Variants in TMPRSS3 observed in about 807,000 individuals in gnomAD.
The protein encoded by TMPRSS3 is transmembrane serine protease 3.
A neutral mutation model predicts 59.6 loss-of-function variants in TMPRSS3; 55 were observed. That is an observed-to-expected ratio of 0.92 (90% CI 0.74 to 1.16). TMPRSS3 has a LOEUF of 1.16. Among genes scored for constraint, TMPRSS3 ranks in the 50% most tolerant of loss-of-function variants. The pLI, the probability that TMPRSS3 is intolerant of heterozygous loss-of-function variation, is 0.00. For missense variants in TMPRSS3, 596 were observed against 579.4 expected (o/e 1.03, Z -0.29); for synonymous variants, 257 against 237.7 (o/e 1.08, Z -0.75).
intron 2 of TMPRSS3, among the ~76,000 whole-genome samples, chr21:42,393,175 T>G (rs763603692): frequency 5.3e-5 from 8 of 151,648 alleles, no homozygotes; most frequent in Non-Finnish European, 1.0e-4. Flanking sequence ...ACCCGGGCGG[T>G]TGGAGGTTGC....
chr21:42,376,225 C>T, intron 11 of TMPRSS3, among the ~76,000 whole-genome samples: 1 of 152,164 alleles, frequency 6.6e-6, no homozygotes, highest in East Asian at 1.9e-4. Context: ...CCAGCCACTG[C>T]AGCTTTCGGA....
At chr21:42,373,355 A>G (rs760822654) in intron 12 of TMPRSS3, among the ~76,000 whole-genome samples, 8 of 152,206 alleles carry the variant, frequency 5.3e-5, no homozygotes, top group Non-Finnish European at 8.8e-5. Context: ...CATCTCTCGC[A>G]TGCACTGGTG....
At chr21:42,376,457 C>G (rs528277048) in intron 11 of TMPRSS3, 84 bp downstream of exon 11, 5 of 1,583,954 alleles carry the variant, frequency 3.2e-6, no homozygotes, top group Non-Finnish European at 4.3e-6. Context: ...ACTTTTTGTC[C>G]TGTCACAGGG....
chr21:42,395,918 A>G (rs963687480), intron 1 of TMPRSS3, 24 bp downstream of exon 1: 1 of 518,462 alleles, frequency 1.9e-6, no homozygotes, highest in Non-Finnish European at 3.9e-6. Flanking sequence ...ACCTACCATA[A>G]GCATAAGTAG....
chr21:42,384,762 A>T (rs1293151801), intron 6 of TMPRSS3, among the ~76,000 whole-genome samples: 1 of 152,112 alleles, frequency 6.6e-6, no homozygotes, highest in Non-Finnish European at 1.5e-5. Context: ...TGCACATCTT[A>T]GGGTTTGGGC....
intron 6 of TMPRSS3, among the ~76,000 whole-genome samples, chr21:42,384,660 T>C (rs923420592): frequency 6.6e-6 from 1 of 152,214 alleles, no homozygotes; most frequent in Non-Finnish European, 1.5e-5. Flanking sequence ...ACCCAACACA[T>C]GAGCTGTCCC....
Position 42,395,978 on chromosome 21 carries a change from G to A in TMPRSS3, c.-88C>T, listed in dbSNP as rs766631539. The A allele has an allele frequency of 1.9e-6, 1 of 518,854 alleles. No individual in the cohort carries two copies. Among genetic ancestry groups the A allele is most frequent in the African/African-American group, 1.9e-5 (1 of 51,934 alleles). The allele number at this position is 518,854 out of a possible 1,614,324, so 32.1% of individuals were successfully genotyped here. A position where few individuals can be genotyped will look rare whatever the true frequency, so the allele number is the denominator to read the frequency against. On this transcript the variant is annotated 5_prime_UTR_variant, in exon 1 of 13. Coordinates refer to ENST00000644384, the MANE Select transcript of TMPRSS3 (RefSeq NM_001256317.3). ...GTCCCAAAAATGTAGATGGCACCAC[G>A]GAAGAGATAGTAGGCCACAGTGTTA...
rs983176075 is a variant in TMPRSS3 at position 42,388,312 on chromosome 21, C to T, written c.446+91G>A. 3.9e-5 allele frequency: 61 copies of T among 1,570,844 alleles called. No homozygotes were observed. The highest frequency in any genetic ancestry group is 4.9e-5 in the Non-Finnish European group (56 of 1,141,708). ...GATGTAATCTGAGAGCGTTAAAGCA[C>T]CCAATAGTGCCCAACTAAATGGTAG... On this transcript the variant is annotated intron_variant, in intron 5 of 12. Transcript: ENST00000644384. The surrounding 1 kb of genome is among the most constrained non-coding windows in gnomAD (Gnocchi z 5.1).
intron 5 of TMPRSS3, among the ~76,000 whole-genome samples, chr21:42,386,339 T>A (rs2052632823): frequency 1.3e-5 from 2 of 152,352 alleles, no homozygotes; most frequent in African/African-American, 4.8e-5. Context: ...CAAAGTTCAG[T>A]CAACTTTGAG....
intron 2 of TMPRSS3, among the ~76,000 whole-genome samples, chr21:42,391,927 G>A (rs1024985417): frequency 6.6e-6 from 1 of 152,196 alleles, no homozygotes; most frequent in African/African-American, 2.4e-5. Flanking sequence ...AGCCTCTCTG[G>A]GCAGCAGGAG....
intron 10 of TMPRSS3, among the ~76,000 whole-genome samples, chr21:42,378,238 G>T (rs1391193290): frequency 6.6e-6 from 1 of 152,250 alleles, no homozygotes; most frequent in Non-Finnish European, 1.5e-5. Flanking sequence ...GGGGTAAGTA[G>T]GCCCACAGAC....
At chr21:42,378,540 G>A (rs2052467742) in intron 10 of TMPRSS3, among the ~76,000 whole-genome samples, 1 of 152,100 alleles carries the variant, frequency 6.6e-6, no homozygotes, top group Non-Finnish European at 1.5e-5. Flanking sequence ...AGAGACACAG[G>A]GGGCAAAGCC....
intron 12 of TMPRSS3, among the ~76,000 whole-genome samples, chr21:42,373,676 T>C (rs949016273): frequency 2.0e-5 from 3 of 152,220 alleles, no homozygotes; most frequent in Admixed American, 6.5e-5. Flanking sequence ...GCAGTCACAC[T>C]GGGGCCACGT....
Position 42,390,113 on chromosome 21 carries a change from A to C in TMPRSS3, c.95-76T>G, listed in dbSNP as rs577066626. The C allele has an allele frequency of 3.6e-6, 4 of 1,108,938 alleles. No homozygotes were observed. In the South Asian group the frequency reaches 5.1e-5, roughly 14 times the overall value. The allele number at this position is 1,108,938 out of a possible 1,614,324, so 68.7% of individuals were successfully genotyped here. A position where few individuals can be genotyped will look rare whatever the true frequency, so the allele number is the denominator to read the frequency against. ...TGCCATGAAACTTACAAATTTAACT[A>C]TCCTTTCCCCCTCCCCTCTTTGCAG... On this transcript the variant is annotated intron_variant, in intron 2 of 12. Coordinates refer to ENST00000644384, the MANE Select transcript of TMPRSS3 (RefSeq NM_001256317.3).
chr21:42,395,485 C>T lies in TMPRSS3; in HGVS notation c.-51-17G>A. On this transcript the variant is annotated splice_polypyrimidine_tract_variant and intron_variant, in intron 1 of 12. Transcript: ENST00000644384. ...CTCTACCTCCTTAGCCGAGGAAGAA[C>T]AGAAAGCATTTGTTCCCCTATTTAT... 2 of 1,352,264 alleles carry T rather than the reference C, an allele frequency of 1.5e-6. No individual in the cohort carries two copies. The highest frequency in any genetic ancestry group is 1.2e-5 in the South Asian group (1 of 84,584). The allele number at this position is 1,352,264 out of a possible 1,614,324, so 83.8% of individuals were successfully genotyped here.
At chr21:42,379,811 C>G (rs2052491798) in intron 10 of TMPRSS3, among the ~76,000 whole-genome samples, 1 of 152,100 alleles carries the variant, frequency 6.6e-6, no homozygotes, top group South Asian at 2.1e-4. Flanking sequence ...TAGGTGGGCT[C>G]TGTATGTCCT....
chr21:42,377,251 G>A (rs1339321262), intron 10 of TMPRSS3, among the ~76,000 whole-genome samples: 7 of 152,216 alleles, frequency 4.6e-5, no homozygotes, highest in East Asian at 1.9e-4. Flanking sequence ...TGGACCTGAC[G>A]AAGTCACAGG....
chr21:42,379,816 T>C (rs764693157), intron 10 of TMPRSS3, among the ~76,000 whole-genome samples: 1 of 152,198 alleles, frequency 6.6e-6, no homozygotes, highest in Non-Finnish European at 1.5e-5. Context: ...GGGCTCTGTA[T>C]GTCCTCAGTT....
chr21:42,378,688 G>A lies in TMPRSS3; in HGVS notation c.1048+1429C>T, dbSNP rs111492456. Among the ~76,000 whole-genome samples the A allele has an allele frequency of 8.1e-3, 1,232 of 152,212 alleles. 6 individuals carry two copies. Among genetic ancestry groups the A allele is most frequent in the Non-Finnish European group, 0.011 (752 of 68,016 alleles). On this transcript the variant is annotated intron_variant, in intron 10 of 12. Coordinates refer to ENST00000644384, the MANE Select transcript of TMPRSS3 (RefSeq NM_001256317.3). The stretch of plus-strand genomic sequence containing the variant: ...ACCACCCTACAGACACCTCAACTGC[G>A]TGTGGAAATAAATCTCCACTTTTTT...
Sources: gnomAD v4.1 joint callset for allele counts (sites outside exome capture counted in the v4.1 genomes callset) on GRCh38, gnomAD v4.1.1 for gene constraint, Gnocchi (gnomAD v3.1) non-coding constraint, MANE v1.5 for transcripts, NCBI Gene and HGNC (gene_info 2026-07-23, HGNC 2026-07-21) for gene names.